The following PCDHGA6 variants were observed in gnomAD, a reference collection of about 807,000 sequenced individuals.
The protein encoded by PCDHGA6 is protocadherin gamma subfamily A, 6, also known as protocadherin gamma-A6.
PCDHGA6 carries 41 observed loss-of-function variants against 60.6 expected under a neutral mutation model. The ratio of observed to expected loss-of-function variants is 0.68; its 90% CI spans 0.53 to 0.88. PCDHGA6 has a LOEUF of 0.88. Ranked by LOEUF, PCDHGA6 falls within the 40% of genes least tolerant of loss-of-function variation. The pLI is 0.00. For missense variants in PCDHGA6, 1,312 were observed against 1,203.0 expected (o/e 1.09, Z -1.34); for synonymous variants, 594 against 524.4 (o/e 1.13, Z -1.81).
chr5:141,388,842 A>C, intron 1 of PCDHGA6: 1 of 1,614,014 alleles, frequency 6.2e-7, no homozygotes, highest in Non-Finnish European at 8.5e-7. Flanking sequence ...TTTGGAAGCA[A>C]GGGACGGTGG....
At chr5:141,483,812 A>C (rs1188806533) in intron 1 of PCDHGA6, among the ~76,000 whole-genome samples, 2 of 152,162 alleles carry the variant, frequency 1.3e-5, no homozygotes, top group Non-Finnish European at 2.9e-5. Context: ...TTTTTTTGGC[A>C]GCCAGTGTAA....
chr5:141,500,189 TTTATTTATTTATTTATTTA>T (rs2099797567), intron 2 of PCDHGA6, among the ~76,000 whole-genome samples: 1 of 110,894 alleles, frequency 9.0e-6, no homozygotes, highest in Non-Finnish European at 1.8e-5. Flanking sequence ...TTTATTTTTA[TTTATTTATTTATTTATTTA>T]TTTATTTATT....
intron 1 of PCDHGA6, chr5:141,422,627 C>T: frequency 6.2e-7 from 1 of 1,613,350 alleles, no homozygotes; most frequent in Non-Finnish European, 8.5e-7. Flanking sequence ...GAAAACAACC[C>T]CAGGGGTGCC....
At chr5:141,391,803 G>A (rs953210867) in intron 1 of PCDHGA6, 5 of 152,172 alleles carry the variant, frequency 3.3e-5, no homozygotes, top group African/African-American at 1.2e-4. Flanking sequence ...TTAGATCAAA[G>A]TGTTAATGTA....
At position 141,491,725 on chromosome 5, in the gene PCDHGA6, G is replaced by A. The variant is rs1008933711; in HGVS notation, c.2425-3082G>A. The A allele has an allele frequency of 6.2e-7, 1 of 1,606,496 alleles. No homozygotes were observed. The highest frequency in any genetic ancestry group is 1.3e-5 in the African/African-American group (1 of 74,728). On this transcript the variant is annotated intron_variant, in intron 1 of 3. Coordinates refer to ENST00000517434, the MANE Select transcript of PCDHGA6 (RefSeq NM_018919.3). The surrounding 1 kb of genome is among the most constrained non-coding windows in gnomAD (Gnocchi z 6.9). ...GGTGAGGGGCTCGGCGCCGCCCCGGGCGACCCCTGGGGGCGGCACTGGAGA... is the reference window on the plus strand; with the variant it reads ...GGTGAGGGGCTCGGCGCCGCCCCGGACGACCCCTGGGGGCGGCACTGGAGA...
At chr5:141,418,357 G>T (rs375883635) in intron 1 of PCDHGA6, 2 of 1,613,864 alleles carry the variant, frequency 1.2e-6, no homozygotes, top group African/African-American at 2.7e-5. Flanking sequence ...GTATGAATTC[G>T]CTGAGCAAAT....
At chr5:141,488,797 T>G (rs1451050520) in intron 1 of PCDHGA6, among the ~76,000 whole-genome samples, 6 of 152,158 alleles carry the variant, frequency 3.9e-5, no homozygotes, top group Non-Finnish European at 8.8e-5. Context: ...TCTTCCCTGT[T>G]GAGTACCATC....
At chr5:141,434,980 CTA>C in intron 1 of PCDHGA6, among the ~76,000 whole-genome samples, 1 of 151,954 alleles carries the variant, frequency 6.6e-6, no homozygotes, top group East Asian at 1.9e-4. Flanking sequence ...TGTTAATACT[CTA>C]TATCATTTTC....
chr5:141,490,380 T>A lies in PCDHGA6; in HGVS notation c.2425-4427T>A. On this transcript the variant is annotated intron_variant, in intron 1 of 3. Coordinates refer to ENST00000517434, the MANE Select transcript of PCDHGA6 (RefSeq NM_018919.3). The surrounding 1 kb of genome is among the most constrained non-coding windows in gnomAD (Gnocchi z 5.4). ...TTAATGTGCGAGACCGGGACTCAGG[T>A]AGAAATGGTGAAGTGAGCCTTGATA... 6.2e-7 allele frequency: 1 copy of A among 1,614,204 alleles called. No homozygotes were observed. The highest frequency in any genetic ancestry group is 1.7e-5 in the Admixed American group (1 of 60,026).
intron 1 of PCDHGA6, among the ~76,000 whole-genome samples, chr5:141,450,313 T>G (rs2098676929): frequency 6.6e-6 from 1 of 152,172 alleles, no homozygotes; most frequent in Middle Eastern, 3.4e-3. Context: ...ATGTGTGGCC[T>G]AGTTGCCATG....
intron 1 of PCDHGA6, 55 bp downstream of exon 1, chr5:141,376,562 C>G: frequency 1.2e-6 from 2 of 1,608,850 alleles, no homozygotes; most frequent in Non-Finnish European, 8.5e-7. Context: ...CGCAACCCAA[C>G]TAATCAGACA....
chr5:141,383,634 T>G (rs1364470063), intron 1 of PCDHGA6: 1 of 1,613,914 alleles, frequency 6.2e-7, no homozygotes, highest in African/African-American at 1.3e-5. Context: ...TCTCTCTGCC[T>G]CAGTACCAAG....
At chr5:141,419,299 C>T in intron 1 of PCDHGA6, 12 of 1,614,048 alleles carry the variant, frequency 7.4e-6, no homozygotes, top group Non-Finnish European at 1.0e-5. Flanking sequence ...CTGACCCAGA[C>T]TTCGGGCTCA....
chr5:141,506,737 C>T (rs893758261), intron 3 of PCDHGA6, among the ~76,000 whole-genome samples: 5 of 152,076 alleles, frequency 3.3e-5, no homozygotes, highest in African/African-American at 1.2e-4. Flanking sequence ...AGAATAATGC[C>T]TATTAATAAA....
Position 141,485,943 on chromosome 5 carries a change from C to T in PCDHGA6, c.2425-8864C>T, listed in dbSNP as rs750871245. On this transcript the variant is annotated intron_variant, in intron 1 of 3. Transcript: ENST00000517434. This position sits in a 1 kb window ranked among gnomAD's most constrained non-coding sequence, Gnocchi z 5.7. Reference sequence around the variant, plus strand: ...ATTAGTGTGTTGGAGAGCGCACCAGCGGGCATGGTGCTCATCCAGCTCAAT... The same window carrying T: ...ATTAGTGTGTTGGAGAGCGCACCAGTGGGCATGGTGCTCATCCAGCTCAAT... The T allele has an allele frequency of 1.9e-6, 3 of 1,614,126 alleles. No homozygotes were observed. In the South Asian group the frequency reaches 3.3e-5, roughly 18 times the overall value.
chr5:141,502,457 A>G lies in PCDHGA6; in HGVS notation c.2484-2936A>G, dbSNP rs950959171. 6.6e-5 allele frequency among the ~76,000 whole-genome samples: 10 copies of G among 151,926 alleles called. No individual in the cohort carries two copies. The South Asian group carries it at 1.7e-3, about 25-fold the overall frequency. On this transcript the variant is annotated intron_variant, in intron 2 of 3. Coordinates refer to ENST00000517434, the MANE Select transcript of PCDHGA6 (RefSeq NM_018919.3). The stretch of plus-strand genomic sequence containing the variant: ...TTAGATTCAGATTACACACCTTGGT[A>G]GGAATACTTCCCGCAGCATCACACT...
chr5:141,409,997 G>T, intron 1 of PCDHGA6: 3 of 1,613,224 alleles, frequency 1.9e-6, no homozygotes, highest in Non-Finnish European at 2.5e-6. Flanking sequence ...CGCCGACTCG[G>T]GACACAACGC....
rs1329649336 is a variant in PCDHGA6, at chr5:141,477,589, GCTTT to G, written c.2425-17207_2425-17204del. 2 of 1,614,130 alleles carry G rather than the reference GCTTT, an allele frequency of 1.2e-6. No homozygotes were observed. Among genetic ancestry groups the G allele is most frequent in the South Asian group, 1.1e-5 (1 of 91,086 alleles). ...ACCCCGACGCCCCGCAGAATGCTCGGCTTTCTTTCTTTCTCTTGGAGCAAGGAGC... is the reference window on the plus strand; with the variant it reads ...ACCCCGACGCCCCGCAGAATGCTCGGCTTTCTTTCTCTTGGAGCAAGGAGC... On this transcript the variant is annotated intron_variant, in intron 1 of 3. Coordinates refer to ENST00000517434, the MANE Select transcript of PCDHGA6 (RefSeq NM_018919.3). The surrounding 1 kb of genome is among the most constrained non-coding windows in gnomAD (Gnocchi z 4.9).
chr5:141,403,850 G>A lies in PCDHGA6; in HGVS notation c.2424+27343G>A, dbSNP rs368454282. The A allele has an allele frequency of 1.4e-5, 23 of 1,613,634 alleles. No individual in the cohort carries two copies. In the African/African-American group the frequency reaches 3.1e-4, roughly 22 times the overall value. On this transcript the variant is annotated intron_variant, in intron 1 of 3. Coordinates refer to ENST00000517434, the MANE Select transcript of PCDHGA6 (RefSeq NM_018919.3). Reference sequence around the variant, plus strand: ...ATTCCAGCTTAATGAAAATACTGGGGAAATATCAACAGCAAAAAGTCTAGA... The same window carrying A: ...ATTCCAGCTTAATGAAAATACTGGGAAAATATCAACAGCAAAAAGTCTAGA...
Sources: allele counts gnomAD v4.1 joint callset (sites outside exome capture counted in the v4.1 genomes callset), GRCh38; gene constraint gnomAD v4.1.1; non-coding constraint Gnocchi (gnomAD v3.1); transcripts MANE v1.5; gene names NCBI Gene and HGNC (gene_info 2026-07-23, HGNC 2026-07-21).